RNF24: variants seen among roughly 807,000 people sequenced by gnomAD.
RNF24 encodes the protein ring finger protein 24.
Under a neutral mutation model 20.0 loss-of-function variants are expected in RNF24, and 14 were observed. The ratio of observed to expected loss-of-function variants is 0.70; its 90% CI spans 0.46 to 1.10. RNF24 has a LOEUF of 1.10. Among genes scored for constraint, RNF24 ranks in the 50% least tolerant of loss-of-function variants. The pLI is 0.00. For missense variants in RNF24, 124 were observed against 177.6 expected (o/e 0.70, Z 1.71); for synonymous variants, 45 against 61.1 (o/e 0.74, Z 1.23).
At chr20:3,938,332 T>G (rs1010502590) in intron 4 of RNF24, among the ~76,000 whole-genome samples, 1 of 152,206 alleles carries the variant, frequency 6.6e-6, no homozygotes, top group African/African-American at 2.4e-5. Context: ...GATAGCCAAC[T>G]AATTTTGACA....
chr20:3,976,173 G>A (rs761503546), intron 1 of RNF24, among the ~76,000 whole-genome samples: 1 of 152,152 alleles, frequency 6.6e-6, no homozygotes, highest in Non-Finnish European at 1.5e-5. Context: ...TTTATGGCAC[G>A]TTGTTAAGGC....
intron 1 of RNF24, among the ~76,000 whole-genome samples, chr20:4,009,610 G>A (rs1982272717): frequency 1.3e-5 from 2 of 152,128 alleles, no homozygotes; most frequent in South Asian, 4.1e-4. Flanking sequence ...CAGCTTATCT[G>A]AGTAGGAGGG....
chr20:3,967,973 C>CAAAAAA (rs58984163), intron 1 of RNF24, among the ~76,000 whole-genome samples: 17 of 77,172 alleles, frequency 2.2e-4, no homozygotes, highest in Non-Finnish European at 3.2e-4. Flanking sequence ...AGCCTGGCAA[C>CAAAAAA]AAAAAAAAAA....
intron 2 of RNF24, among the ~76,000 whole-genome samples, chr20:3,950,346 C>T (rs144289715): frequency 2.0e-5 from 3 of 152,190 alleles, no homozygotes; most frequent in East Asian, 1.9e-4. Flanking sequence ...CAGAGACAGA[C>T]GGAAAAGAAG....
chr20:4,006,071 C>A (rs1301663481), intron 1 of RNF24, among the ~76,000 whole-genome samples: 1 of 152,122 alleles, frequency 6.6e-6, no homozygotes, highest in East Asian at 1.9e-4. Context: ...ACATAATTAA[C>A]CTTCTATAGA....
chr20:3,998,541 C>T lies in RNF24; in HGVS notation c.-8+16896G>A, dbSNP rs562281948. Among the ~76,000 whole-genome samples the T allele has an allele frequency of 1.8e-4, 24 of 136,254 alleles. No individual in the cohort carries two copies. The South Asian group carries it at 3.3e-3, about 19-fold the overall frequency. 89.4% of individuals were successfully genotyped at this position (136,254 alleles called of 152,430 possible). A position where few individuals can be genotyped will look rare whatever the true frequency, so the allele number is the denominator to read the frequency against. ...AGTGAGCCGAGATTGCAACACTGCA[C>T]GCCAGCCTGGGCAACAGAGCGAGAC... On this transcript the variant is annotated intron_variant, in intron 1 of 5. Coordinates refer to ENST00000358395, the MANE Select transcript of RNF24 (RefSeq NM_001134337.3).
chr20:3,969,708 C>T (rs768528964), intron 1 of RNF24, among the ~76,000 whole-genome samples: 3 of 151,604 alleles, frequency 2.0e-5, no homozygotes, highest in African/African-American at 4.8e-5. Flanking sequence ...CAGGATGTAA[C>T]GAGATGCCCC....
chr20:3,994,718 G>A (rs1477272367), intron 1 of RNF24, among the ~76,000 whole-genome samples: 1 of 152,094 alleles, frequency 6.6e-6, no homozygotes, highest in Non-Finnish European at 1.5e-5. Flanking sequence ...TATAAACCTC[G>A]ACAGCTCACT....
chr20:3,945,973 G>C (rs1329512316), intron 3 of RNF24, among the ~76,000 whole-genome samples: 1 of 152,152 alleles, frequency 6.6e-6, no homozygotes, highest in African/African-American at 2.4e-5. Flanking sequence ...GGTAAATCCT[G>C]TTTTCAGAAA....
chr20:3,935,944 T>TCC (rs57117212), intron 4 of RNF24, among the ~76,000 whole-genome samples: 47,909 of 151,880 alleles, frequency 0.32, 8,171 homozygotes, highest in African/African-American at 0.46. Flanking sequence ...TTGAACTCCT[T>TCC]TCTCCCTACT....
intron 1 of RNF24, among the ~76,000 whole-genome samples, chr20:4,003,024 C>CA (rs1981541183): frequency 1.3e-5 from 2 of 152,200 alleles, no homozygotes; most frequent in Non-Finnish European, 2.9e-5. Flanking sequence ...AGCTGGGGTG[C>CA]AGTGGCGCGA....
intron 1 of RNF24, among the ~76,000 whole-genome samples, chr20:3,980,973 G>T (rs969260544): frequency 6.6e-6 from 1 of 151,580 alleles, no homozygotes; most frequent in African/African-American, 2.4e-5. Flanking sequence ...GTGTTGGGGG[G>T]GGCAGGGGGA....
intron 1 of RNF24, among the ~76,000 whole-genome samples, chr20:3,996,403 C>T (rs528259574): frequency 2.0e-5 from 3 of 151,982 alleles, no homozygotes; most frequent in Non-Finnish European, 2.9e-5. Context: ...GTATATTCTC[C>T]GAATGGACAT....
At position 4,007,984 on chromosome 20, in the gene RNF24, T is replaced by C. The variant is rs547075169; in HGVS notation, c.-8+7453A>G. On this transcript the variant is annotated intron_variant, in intron 1 of 5. Coordinates refer to ENST00000358395, the MANE Select transcript of RNF24 (RefSeq NM_001134337.3). ...GCTGAATCATCATATTGATAGCCCA[T>C]ATACCCTAGGAGATATAGTATTTTG... Among the ~76,000 whole-genome samples the C allele has an allele frequency of 4.8e-4, 73 of 151,126 alleles. 1 individual carries two copies. In the South Asian group the frequency reaches 0.015, roughly 31 times the overall value.
chr20:3,964,667 C>T lies in RNF24; in HGVS notation c.-7-643G>A, dbSNP rs1017235696. The stretch of plus-strand genomic sequence containing the variant: ...CCTCCCAAATAGCTAGGACTACAGG[C>T]GCGTGCCACCACACCTAGCTAATTT... On this transcript the variant is annotated intron_variant, in intron 1 of 5. Coordinates refer to ENST00000358395, the MANE Select transcript of RNF24 (RefSeq NM_001134337.3). Among the ~76,000 whole-genome samples, 7 of 152,090 alleles carry T rather than the reference C, an allele frequency of 4.6e-5. No individual in the cohort carries two copies. In the South Asian group the frequency reaches 6.2e-4, roughly 14 times the overall value.
At chr20:3,963,796 T>TA (rs563420686) in intron 2 of RNF24, 79 bp downstream of exon 2, 296 of 1,275,630 alleles carry the variant, frequency 2.3e-4, no homozygotes, top group African/African-American at 1.9e-3. Context: ...TACTTCATTT[T>TA]AAAAAAAATC....
At chr20:4,008,193 C>T (rs1185532787) in intron 1 of RNF24, among the ~76,000 whole-genome samples, 2 of 145,858 alleles carry the variant, frequency 1.4e-5, no homozygotes, top group Admixed American at 7.3e-5. Flanking sequence ...AACCACATTA[C>T]AAATGAAGAA....
intron 1 of RNF24, among the ~76,000 whole-genome samples, chr20:3,973,327 C>G (rs1320775207): frequency 2.6e-5 from 4 of 151,568 alleles, no homozygotes; most frequent in African/African-American, 9.7e-5. Context: ...AATCTCAAAT[C>G]AATAATCTAA....
intron 1 of RNF24, among the ~76,000 whole-genome samples, chr20:4,009,360 T>C (rs1320686113): frequency 6.6e-6 from 1 of 152,132 alleles, no homozygotes; most frequent in Non-Finnish European, 1.5e-5. Context: ...TATGCTGACA[T>C]GGATAGCCCC....
Sources: gnomAD v4.1 joint callset for allele counts (sites outside exome capture counted in the v4.1 genomes callset) on GRCh38, gnomAD v4.1.1 for gene constraint, MANE v1.5 for transcripts, NCBI Gene and HGNC (gene_info 2026-07-23, HGNC 2026-07-21) for gene names.